The following NCOA7 variants were observed in gnomAD, a reference collection of about 807,000 sequenced individuals.
NCOA7 encodes the protein nuclear receptor coactivator 7, also known as 140 kDa estrogen receptor-associated protein.
In NCOA7, 45 loss-of-function variants were observed where a neutral mutation model predicts 104.3. The ratio of observed to expected loss-of-function variants is 0.43; its 90% CI spans 0.34 to 0.55. The LOEUF (loss-of-function observed/expected upper bound fraction) is 0.55, where lower values mean the gene tolerates loss of function less well. Among genes scored for constraint, NCOA7 ranks in the 20% least tolerant of loss-of-function variants. The probability of loss-of-function intolerance (pLI) is 0.02; values close to 1 mark genes in which losing one functional copy is unlikely to be tolerated. For missense variants in NCOA7, 1,041 were observed against 1,119.7 expected, an observed-to-expected ratio of 0.93 and a Z score of 1.00; for synonymous variants, 398 against 402.3, an observed-to-expected ratio of 0.99 and a Z score of 0.13.
At chr6:125,928,472 A>G (rs941659094) in intron 15 of NCOA7, among the ~76,000 whole-genome samples, 164 bp from the exon 16 acceptor site, 1 of 152,186 alleles carries the variant, frequency 6.6e-6, no homozygotes, top group Non-Finnish European at 1.5e-5. Flanking sequence ...TTTTAGGAAG[A>G]CTGGTCATTT....
rs137864768 is a variant in NCOA7, at chr6:125,818,594, AG to A, written c.50+3191del. On this transcript the variant is annotated intron_variant, in intron 2 of 15. Coordinates refer to ENST00000392477, the MANE Select transcript of NCOA7 (RefSeq NM_181782.5). ...GGAGCAGGGAGAGAGAGAAAGAGACAGAGAGAGAAACACTGACTGACAAACC... is the reference window on the plus strand; with the variant it reads ...GGAGCAGGGAGAGAGAGAAAGAGACAAGAGAGAAACACTGACTGACAAACC... Among the ~76,000 whole-genome samples, 1,487 of 152,250 alleles carry A rather than the reference AG, an allele frequency of 9.8e-3. 23 individuals are homozygous for A. The highest frequency in any genetic ancestry group is 0.034 in the African/African-American group (1,407 of 41,520).
intron 4 of NCOA7, among the ~76,000 whole-genome samples, chr6:125,877,945 A>G (rs1164864531): frequency 6.6e-6 from 1 of 152,156 alleles, no homozygotes; most frequent in Non-Finnish European, 1.5e-5. Flanking sequence ...TGTACATCGT[A>G]TTTCTTTTCT....
intron 1 of NCOA7, among the ~76,000 whole-genome samples, chr6:125,810,799 C>T (rs1436501563): frequency 6.6e-6 from 1 of 152,034 alleles, no homozygotes; most frequent in Non-Finnish European, 1.5e-5. Flanking sequence ...TTAGGGAATA[C>T]AAAAATTTCC....
intron 1 of NCOA7, among the ~76,000 whole-genome samples, chr6:125,808,976 G>A (rs566290842): frequency 6.9e-4 from 105 of 152,286 alleles, no homozygotes; most frequent in Non-Finnish European, 1.2e-3. Context: ...AGGAGTTGAT[G>A]AGTTCTCCAT....
chr6:125,828,237 A>G (rs925324305), intron 2 of NCOA7, among the ~76,000 whole-genome samples: 1 of 152,258 alleles, frequency 6.6e-6, no homozygotes, highest in Non-Finnish European at 1.5e-5. Flanking sequence ...CAGAAGAGAT[A>G]GAATCACTGC....
intron 3 of NCOA7, among the ~76,000 whole-genome samples, chr6:125,872,077 A>G (rs1351506859): frequency 4.6e-5 from 7 of 151,428 alleles, no homozygotes; most frequent in Non-Finnish European, 8.8e-5. Flanking sequence ...TGATCTCAAC[A>G]TCTTAGACTC....
Position 125,853,581 on chromosome 6 carries a change from G to T in NCOA7, c.51-1439G>T, listed in dbSNP as rs185016245. On this transcript the variant is annotated intron_variant, in intron 2 of 15. Transcript: ENST00000392477. ...ATATCTAAGAACCTGGCTGCTCAGT[G>T]TTCAGTAAATAATAGCCTAATTAAA... Among the ~76,000 whole-genome samples, 3 of 152,282 alleles carry T rather than the reference G, an allele frequency of 2.0e-5. No homozygotes were observed. The East Asian group carries it at 5.8e-4, about 29-fold the overall frequency.
At position 125,914,450 on chromosome 6, in the gene NCOA7, C is replaced by T. The variant is rs895461385; in HGVS notation, c.2097-883C>T. Among the ~76,000 whole-genome samples the T allele has an allele frequency of 8.6e-5, 13 of 152,034 alleles. No homozygotes were observed. In the South Asian group the frequency reaches 1.9e-3, roughly 22 times the overall value. On this transcript the variant is annotated intron_variant, in intron 10 of 15. Transcript: ENST00000392477. ...TGATCTGTTAGGATATCAGAATTGT[C>T]GGTGGTATTTCTGTTTTTGTTTTAG...
chr6:125,801,134 C>T (rs9385385), intron 1 of NCOA7, among the ~76,000 whole-genome samples: 52,322 of 152,084 alleles, frequency 0.34, 10,629 homozygotes, highest in East Asian at 0.65. Flanking sequence ...CTATAGAAAG[C>T]GTGATAGAAG....
intron 11 of NCOA7, among the ~76,000 whole-genome samples, chr6:125,917,303 C>G (rs937391967): frequency 6.6e-6 from 1 of 152,128 alleles, no homozygotes; most frequent in African/African-American, 2.4e-5. Context: ...CAGGGCTCTT[C>G]TTTTTCTCTG....
intron 3 of NCOA7, among the ~76,000 whole-genome samples, chr6:125,868,845 G>GTGC (rs2128633374): frequency 6.6e-6 from 1 of 152,284 alleles, no homozygotes; most frequent in Non-Finnish European, 1.5e-5. Context: ...TGATGGTCCT[G>GTGC]TGCTGTCAGC....
chr6:125,873,501 C>A (rs1443924758), intron 3 of NCOA7, among the ~76,000 whole-genome samples: 1 of 152,004 alleles, frequency 6.6e-6, no homozygotes, highest in African/African-American at 2.4e-5. Context: ...GCTTGTTATT[C>A]CTAATTGCTG....
chr6:125,839,217 A>G (rs558188522), intron 2 of NCOA7, among the ~76,000 whole-genome samples: 261 of 152,220 alleles, frequency 1.7e-3, no homozygotes, highest in African/African-American at 6.0e-3. Context: ...TCCCGGGTTC[A>G]AGCAATTCTC....
chr6:125,889,389 G>A lies in NCOA7; in HGVS notation c.1335G>A (p.Glu445=). The A allele has an allele frequency of 6.2e-7, 1 of 1,613,890 alleles. No homozygotes were observed. The highest frequency in any genetic ancestry group is 8.5e-7 in the Non-Finnish European group (1 of 1,179,928). ...TLKECLSLDP[E]ERKKAESQIN... ...AGGAGTGCCTTTCTCTTGACCCAGA[G>A]GAACGAAAGAAAGCTGAGTCACAAA... The change falls in exon 9 of 16, where the codon GAG becomes GAA. Residue 445 remains glutamate (E), a synonymous_variant. Transcript: ENST00000392477.
intron 1 of NCOA7, among the ~76,000 whole-genome samples, chr6:125,803,146 G>A (rs1236974350): frequency 6.6e-6 from 1 of 152,186 alleles, no homozygotes; most frequent in African/African-American, 2.4e-5. Context: ...ATTGTTGATT[G>A]TGTGGCACTA....
At chr6:125,800,201 A>G (rs9968967) in intron 1 of NCOA7, among the ~76,000 whole-genome samples, 424 of 152,338 alleles carry the variant, frequency 2.8e-3, no homozygotes, top group Middle Eastern at 0.01. Flanking sequence ...TTAAGTTTAT[A>G]AAAGTGTTAG....
chr6:125,874,413 A>G (rs1273149598), intron 3 of NCOA7, among the ~76,000 whole-genome samples: 2 of 152,186 alleles, frequency 1.3e-5, no homozygotes, highest in East Asian at 3.8e-4. Flanking sequence ...TATAAATAGT[A>G]TTGCAGTGAC....
At chr6:125,927,588 C>G in intron 13 of NCOA7, 75 bp from the exon 14 acceptor site, 1 of 1,149,668 alleles carries the variant, frequency 8.7e-7, no homozygotes, top group South Asian at 1.2e-5. Flanking sequence ...CATGATGTAT[C>G]AAAAATATTC....
In NCOA7 at chr6:125,803,648, A is replaced by G. The variant is rs74734612; in HGVS notation, c.-64-11643A>G. ...ATTTTGAAAATGCATTCAATTGCAG[A>G]TCTCATCCACAGAAGGCAAAGAAGT... On this transcript the variant is annotated intron_variant, in intron 1 of 15. Coordinates refer to ENST00000392477, the MANE Select transcript of NCOA7 (RefSeq NM_181782.5). Among the ~76,000 whole-genome samples the G allele has an allele frequency of 3.2e-4, 48 of 152,370 alleles. No homozygotes were observed. In the East Asian group the frequency reaches 9.0e-3, roughly 29 times the overall value.
Sources: allele counts gnomAD v4.1 joint callset (sites outside exome capture counted in the v4.1 genomes callset), GRCh38; gene constraint gnomAD v4.1.1; transcripts MANE v1.5; gene names NCBI Gene and HGNC (gene_info 2026-07-23, HGNC 2026-07-21).